The following ARHGAP31 variants were observed in gnomAD, a reference collection of about 807,000 sequenced individuals.
ARHGAP31 encodes the protein rho GTPase-activating protein 31.
Under a neutral mutation model 113.9 loss-of-function variants are expected in ARHGAP31, and 34 were observed. That is an observed-to-expected ratio of 0.30 (90% CI 0.23 to 0.40). ARHGAP31 has a LOEUF of 0.40. Among genes scored for constraint, ARHGAP31 ranks in the 10% least tolerant of loss-of-function variants. ARHGAP31 has a pLI of 1.00. For synonymous variants in ARHGAP31, 650 were observed against 684.8 expected (o/e 0.95, Z 0.79); for missense variants, 1,548 against 1,767.1 (o/e 0.88, Z 2.22).
intron 1 of ARHGAP31, among the ~76,000 whole-genome samples, chr3:119,345,609 C>T (rs17281584): frequency 0.049 from 7,478 of 152,254 alleles, 225 homozygotes; most frequent in Middle Eastern, 0.078. Flanking sequence ...GTCCTTGGAA[C>T]CTAGCACCCA....
At chr3:119,326,047 C>CT (rs1270016670) in intron 1 of ARHGAP31, among the ~76,000 whole-genome samples, 1 of 152,054 alleles carries the variant, frequency 6.6e-6, no homozygotes, top group Non-Finnish European at 1.5e-5. Flanking sequence ...AAAACATTAG[C>CT]CGGGCGTGGT....
At chr3:119,321,296 GTA>G (rs1215332012) in intron 1 of ARHGAP31, among the ~76,000 whole-genome samples, 2 of 136,382 alleles carry the variant, frequency 1.5e-5, no homozygotes, top group Admixed American at 1.4e-4. Flanking sequence ...TATATATATA[GTA>G]TATATATATG....
intron 1 of ARHGAP31, among the ~76,000 whole-genome samples, chr3:119,343,763 T>G (rs911177325): frequency 4.6e-5 from 7 of 152,140 alleles, no homozygotes; most frequent in African/African-American, 9.7e-5. Flanking sequence ...TGAGGCCAGG[T>G]GAGAAAACAG....
intron 1 of ARHGAP31, among the ~76,000 whole-genome samples, chr3:119,343,766 G>C (rs1038392090): frequency 6.6e-6 from 1 of 152,206 alleles, no homozygotes; most frequent in Non-Finnish European, 1.5e-5. Flanking sequence ...GGCCAGGTGA[G>C]AAAACAGCTC....
At chr3:119,301,655 C>G (rs2079586400) in intron 1 of ARHGAP31, among the ~76,000 whole-genome samples, 2 of 151,780 alleles carry the variant, frequency 1.3e-5, no homozygotes, top group African/African-American at 4.8e-5. Flanking sequence ...TTTTTTTTTA[C>G]CAGGAATCAC....
chr3:119,392,305 G>A (rs1201221166), intron 7 of ARHGAP31, among the ~76,000 whole-genome samples: 7 of 152,122 alleles, frequency 4.6e-5, no homozygotes, highest in East Asian at 3.9e-4. Flanking sequence ...AATATCAGCC[G>A]GGTGTGGTGG....
At chr3:119,367,958 T>G (rs543957392) in intron 2 of ARHGAP31, among the ~76,000 whole-genome samples, 9 of 152,088 alleles carry the variant, frequency 5.9e-5, no homozygotes, top group Non-Finnish European at 1.3e-4. Flanking sequence ...TATATGGAGA[T>G]GAGCGACAAC....
At chr3:119,331,326 T>C (rs1006282436) in intron 1 of ARHGAP31, among the ~76,000 whole-genome samples, 3 of 152,230 alleles carry the variant, frequency 2.0e-5, no homozygotes, top group Non-Finnish European at 4.4e-5. Context: ...ATCGGCCCTT[T>C]AATTACTTTT....
rs531598398 is a variant in ARHGAP31, at chr3:119,377,584, G to A, written c.349-3320G>A. On this transcript the variant is annotated intron_variant, in intron 3 of 11. Coordinates refer to ENST00000264245, the MANE Select transcript of ARHGAP31 (RefSeq NM_020754.4). ...AAGGCAGGTGGAAATGACGGGAGAC[G>A]GAGCAGGGGAATTTGCAGAGGGACC... Among the ~76,000 whole-genome samples the A allele has an allele frequency of 6.6e-5, 10 of 152,220 alleles. No homozygotes were observed. In the East Asian group the frequency reaches 9.7e-4, roughly 15 times the overall value.
chr3:119,404,269 G>A (rs904701949), intron 10 of ARHGAP31, among the ~76,000 whole-genome samples: 3 of 152,174 alleles, frequency 2.0e-5, no homozygotes, highest in Non-Finnish European at 4.4e-5. Context: ...TCTGTTATCC[G>A]TTTTTCCCCC....
At chr3:119,399,368 A>C (rs2080580228) in intron 9 of ARHGAP31, 107 bp downstream of exon 9, 2 of 957,772 alleles carry the variant, frequency 2.1e-6, no homozygotes, top group Admixed American at 3.9e-5. Flanking sequence ...ACAGTCACAC[A>C]CAACTACCTA....
At chr3:119,412,071 G>A (rs1027061725) in intron 11 of ARHGAP31, among the ~76,000 whole-genome samples, 3 of 152,214 alleles carry the variant, frequency 2.0e-5, no homozygotes, top group African/African-American at 7.2e-5. Context: ...CTCGCCCTGG[G>A]ACAGAATTAG....
rs560059864 is a variant in ARHGAP31 at position 119,368,412 on chromosome 3, G to A, written c.244G>A (p.Glu82Lys). Residue 82 changes from glutamate (E) to lysine (K), a missense_variant, in exon 3 of 12, where the codon GAA becomes AAA. By Grantham distance (56) the Glu-to-Lys change is moderately conservative (BLOSUM62 1). Coordinates refer to ENST00000264245, the MANE Select transcript of ARHGAP31 (RefSeq NM_020754.4). ...GSDQCPDLTR[E>K]VYLQDIHCVG... The stretch of plus-strand genomic sequence containing the variant: ...AGATCAATGTCCAGATCTGACAAGG[G>A]AAGTGTACCTCCAGGACATCCACTG... The A allele has an allele frequency of 3.1e-5, 50 of 1,614,140 alleles. 1 individual carries two copies. The South Asian group carries it at 4.9e-4, about 16-fold the overall frequency.
chr3:119,381,447 G>A (rs760270894), intron 4 of ARHGAP31, among the ~76,000 whole-genome samples: 3 of 152,116 alleles, frequency 2.0e-5, no homozygotes, highest in African/African-American at 7.2e-5. Flanking sequence ...AGCCCCTAAT[G>A]TTGCCACCTT....
In ARHGAP31 at chr3:119,330,519, A is replaced by G. The variant is rs2079883189; in HGVS notation, c.101-34797A>G. Among the ~76,000 whole-genome samples, 3 of 152,200 alleles carry G rather than the reference A, an allele frequency of 2.0e-5. No homozygotes were observed. In the South Asian group the frequency reaches 6.2e-4, roughly 31 times the overall value. On this transcript the variant is annotated intron_variant, in intron 1 of 11. Coordinates refer to ENST00000264245, the MANE Select transcript of ARHGAP31 (RefSeq NM_020754.4). ...TTAGGGTTGTTTTGTGGTTGTTTAC[A>G]GTGTAGATGGTTTCTTTCCACCATC... is the stretch of plus-strand genomic sequence containing the variant.
chr3:119,321,945 G>A (rs1490205868), intron 1 of ARHGAP31, among the ~76,000 whole-genome samples: 1 of 152,194 alleles, frequency 6.6e-6, no homozygotes, highest in Non-Finnish European at 1.5e-5. Context: ...GAGCCACCAC[G>A]CCCGGCCCAT....
At chr3:119,381,835 A>G (rs997937662) in intron 4 of ARHGAP31, among the ~76,000 whole-genome samples, 1 of 152,048 alleles carries the variant, frequency 6.6e-6, no homozygotes, top group African/African-American at 2.4e-5. Context: ...AAATACAAAA[A>G]ATTAGCCGGG....
At chr3:119,406,726 G>A (rs2080666524) in intron 10 of ARHGAP31, among the ~76,000 whole-genome samples, 1 of 152,174 alleles carries the variant, frequency 6.6e-6, no homozygotes, top group African/African-American at 2.4e-5. Context: ...CCTTTGCGTG[G>A]GACAGCCCAG....
intron 1 of ARHGAP31, among the ~76,000 whole-genome samples, chr3:119,295,377 G>A (rs2079524137): frequency 6.6e-6 from 1 of 151,558 alleles, no homozygotes; most frequent in Non-Finnish European, 1.5e-5. Flanking sequence ...ATGGTGATCA[G>A]TGGTCTTGCC....
Sources: allele counts gnomAD v4.1 joint callset (sites outside exome capture counted in the v4.1 genomes callset), GRCh38; gene constraint gnomAD v4.1.1; transcripts MANE v1.5; gene names NCBI Gene and HGNC (gene_info 2026-07-23, HGNC 2026-07-21).